Variants in PRKCE observed in about 807,000 individuals in gnomAD.
The protein encoded by PRKCE is protein kinase C epsilon.
A neutral mutation model predicts 85.4 loss-of-function variants in PRKCE; 16 were observed. The observed-to-expected ratio is 0.19, with a 90% CI of 0.13 to 0.28. The LOEUF (loss-of-function observed/expected upper bound fraction) is 0.28, where lower values mean the gene tolerates loss of function less well. Among genes scored for constraint, PRKCE ranks in the 10% least tolerant of loss-of-function variants. The probability of loss-of-function intolerance (pLI) is 1.00; values close to 1 mark genes in which losing one functional copy is unlikely to be tolerated. For missense variants in PRKCE, 573 were observed against 975.2 expected (o/e 0.59, Z 5.49); for synonymous variants, 388 against 371.5 (o/e 1.04, Z -0.51).
In PRKCE at chr2:45,712,861, AC is replaced by A. The variant is rs1408706409; in HGVS notation, c.348+60415del. 2.0e-5 allele frequency among the ~76,000 whole-genome samples: 3 copies of A among 152,042 alleles called. No homozygotes were observed. The East Asian group carries it at 5.8e-4, about 29-fold the overall frequency. ...ACTTCCCTGTCCTTGGAGGGCGGGG[AC>A]CATGTGTCATTTATCTTCGTATTCG... On this transcript the variant is annotated intron_variant, in intron 1 of 14. Coordinates refer to ENST00000306156, the MANE Select transcript of PRKCE (RefSeq NM_005400.3).
rs866936776 is a variant in PRKCE, at chr2:46,004,405, A to T, written c.967-137A>T. 4.1e-6 allele frequency: 3 copies of T among 735,996 alleles called. No homozygotes were observed. The East Asian group carries it at 8.4e-5, about 21-fold the overall frequency. 45.6% of individuals were successfully genotyped at this position (735,996 alleles called of 1,614,324 possible). A position where few individuals can be genotyped will look rare whatever the true frequency, so the allele number is the denominator to read the frequency against. On this transcript the variant is annotated intron_variant, in intron 7 of 14. Coordinates refer to ENST00000306156, the MANE Select transcript of PRKCE (RefSeq NM_005400.3). This position sits in a 1 kb window ranked among gnomAD's most constrained non-coding sequence, Gnocchi z 4.1. ...TTTGGCTACTTTGGCGATGGCTGCA[A>T]GAGGACAGAGATCTACTGAATTCCT... is the stretch of plus-strand genomic sequence containing the variant.
rs986651587 is a variant in PRKCE, at chr2:45,735,066, C to T, written c.348+82618C>T. 1.1e-4 allele frequency among the ~76,000 whole-genome samples: 16 copies of T among 152,378 alleles called. 1 individual carries two copies. Among genetic ancestry groups the T allele is most frequent in the African/African-American group, 3.1e-4 (13 of 41,594 alleles). On this transcript the variant is annotated intron_variant, in intron 1 of 14. Transcript: ENST00000306156. ...ATAAACCTCCTACATGCTAATCTCC[C>T]TCTCAGAGTCACTGGGCCAGGCCAG...
chr2:45,765,928 G>T (rs927695568), intron 1 of PRKCE, among the ~76,000 whole-genome samples: 1 of 152,216 alleles, frequency 6.6e-6, no homozygotes, highest in Non-Finnish European at 1.5e-5. Flanking sequence ...ATTATATTGG[G>T]TAACTGTGGG....
intron 2 of PRKCE, among the ~76,000 whole-genome samples, chr2:45,956,385 A>G (rs1438806212): frequency 6.6e-6 from 1 of 152,124 alleles, no homozygotes; most frequent in Admixed American, 6.6e-5. Flanking sequence ...GTTTTATTTT[A>G]TAAGAACCTG....
chr2:46,175,930 A>G (rs1351501319), intron 14 of PRKCE, among the ~76,000 whole-genome samples: 1 of 152,126 alleles, frequency 6.6e-6, no homozygotes, highest in Non-Finnish European at 1.5e-5. Context: ...CGGCCTTTAT[A>G]TGGAGGGACT....
chr2:46,010,537 G>A lies in PRKCE; in HGVS notation c.1437+20G>A. 3.1e-6 allele frequency: 5 copies of A among 1,598,326 alleles called. No homozygotes were observed. The highest frequency in any genetic ancestry group is 1.1e-5 in the South Asian group (1 of 91,014). ...ACCAAGGTATGTTAGGAAGAAGCTGGCTGGCTGCCATGTTGGGGCATCTTG... is the reference window on the plus strand; with the variant it reads ...ACCAAGGTATGTTAGGAAGAAGCTGACTGGCTGCCATGTTGGGGCATCTTG... On this transcript the variant is annotated intron_variant, in intron 10 of 14. Transcript: ENST00000306156.
rs564666687 is a variant in PRKCE, at chr2:45,771,824, C to A, written c.349-71176C>A. Among the ~76,000 whole-genome samples, 8 of 152,124 alleles carry A rather than the reference C, an allele frequency of 5.3e-5. 1 individual carries two copies. In the South Asian group the frequency reaches 1.7e-3, roughly 32 times the overall value. The stretch of plus-strand genomic sequence containing the variant: ...GCCCTCTAGCCCATTTCTGCCCCTG[C>A]TATTTCCCTGGGGTCCCAAGTCTTC... On this transcript the variant is annotated intron_variant, in intron 1 of 14. Coordinates refer to ENST00000306156, the MANE Select transcript of PRKCE (RefSeq NM_005400.3).
Position 45,778,814 on chromosome 2 carries a change from G to A in PRKCE, c.349-64186G>A, listed in dbSNP as rs556066857. 7.9e-5 allele frequency among the ~76,000 whole-genome samples: 12 copies of A among 152,236 alleles called. No homozygotes were observed. The South Asian group carries it at 2.5e-3, about 32-fold the overall frequency. On this transcript the variant is annotated intron_variant, in intron 1 of 14. Coordinates refer to ENST00000306156, the MANE Select transcript of PRKCE (RefSeq NM_005400.3). ...GTGGGAGCTCAAGGTGTGACCTTCGGAGCTCCTCCTCCTGACCCCGGGACA... is the reference window on the plus strand; with the variant it reads ...GTGGGAGCTCAAGGTGTGACCTTCGAAGCTCCTCCTCCTGACCCCGGGACA...
At chr2:46,030,183 T>C (rs1156248392) in intron 10 of PRKCE, among the ~76,000 whole-genome samples, 1 of 152,178 alleles carries the variant, frequency 6.6e-6, no homozygotes, top group Non-Finnish European at 1.5e-5. Flanking sequence ...GACAATATTC[T>C]AGGCATCCAC....
intron 10 of PRKCE, among the ~76,000 whole-genome samples, chr2:46,053,397 C>T (rs1232595808): frequency 1.3e-5 from 2 of 152,196 alleles, no homozygotes; most frequent in African/African-American, 4.8e-5. Flanking sequence ...AGTTCTGCGG[C>T]ATTAAATACA....
chr2:45,881,855 G>C (rs995253882), intron 2 of PRKCE, among the ~76,000 whole-genome samples: 22 of 152,220 alleles, frequency 1.4e-4, no homozygotes, highest in African/African-American at 5.1e-4. Context: ...GCTCTGTGTA[G>C]TTGTGCAGGT....
At chr2:45,815,359 C>T (rs568403476) in intron 1 of PRKCE, among the ~76,000 whole-genome samples, 2 of 152,340 alleles carry the variant, frequency 1.3e-5, no homozygotes, top group African/African-American at 4.8e-5. Flanking sequence ...CCAGAGGATT[C>T]TGAATCCTTT....
chr2:45,900,451 C>T (rs769878921), intron 2 of PRKCE, among the ~76,000 whole-genome samples: 2 of 152,218 alleles, frequency 1.3e-5, no homozygotes, highest in Admixed American at 6.5e-5. Flanking sequence ...GAGGGGAATT[C>T]TGATACATGC....
intron 1 of PRKCE, among the ~76,000 whole-genome samples, chr2:45,768,357 T>C (rs1685069279): frequency 6.6e-6 from 1 of 152,252 alleles, no homozygotes; most frequent in Non-Finnish European, 1.5e-5. Context: ...ACATCGTCTA[T>C]GTGTGAGTCC....
At chr2:45,737,896 C>T (rs1682218438) in intron 1 of PRKCE, among the ~76,000 whole-genome samples, 1 of 152,280 alleles carries the variant, frequency 6.6e-6, no homozygotes, top group Non-Finnish European at 1.5e-5. Context: ...ATTTACATCC[C>T]TCCCCCAACC....
In PRKCE at chr2:46,032,521, C is replaced by A. The variant is rs150815052; in HGVS notation, c.1437+22004C>A. Among the ~76,000 whole-genome samples the A allele has an allele frequency of 3.2e-3, 495 of 152,332 alleles. 1 individual carries two copies. The highest frequency in any genetic ancestry group is 5.6e-3 in the Non-Finnish European group (382 of 68,026). On this transcript the variant is annotated intron_variant, in intron 10 of 14. Coordinates refer to ENST00000306156, the MANE Select transcript of PRKCE (RefSeq NM_005400.3). ...CTTCCAAAACCTTCCCGCTGGTTGT[C>A]CCCAGTTGTACAGTTTGTTAAAGTC... is the stretch of plus-strand genomic sequence containing the variant.
intron 5 of PRKCE, among the ~76,000 whole-genome samples, chr2:45,983,625 G>A (rs1703072142): frequency 6.6e-6 from 1 of 152,190 alleles, no homozygotes; most frequent in Admixed American, 6.5e-5. Flanking sequence ...GGGTATGATA[G>A]TGCTGTGCCT....
chr2:45,724,408 C>A (rs1680885772), intron 1 of PRKCE, among the ~76,000 whole-genome samples: 1 of 152,186 alleles, frequency 6.6e-6, no homozygotes. Flanking sequence ...CTCTCTAATT[C>A]TCTGAGACAA....
chr2:45,761,690 T>C (rs543077360), intron 1 of PRKCE, among the ~76,000 whole-genome samples: 1 of 152,104 alleles, frequency 6.6e-6, no homozygotes, highest in African/African-American at 2.4e-5. Context: ...CTGGCCACAG[T>C]CTTCTGTTCT....
Sources: allele counts gnomAD v4.1 joint callset (sites outside exome capture counted in the v4.1 genomes callset), GRCh38; gene constraint gnomAD v4.1.1; non-coding constraint Gnocchi (gnomAD v3.1); transcripts MANE v1.5; gene names NCBI Gene and HGNC (gene_info 2026-07-23, HGNC 2026-07-21).